The following MIR2052HG variants were observed in gnomAD, a reference collection of about 807,000 sequenced individuals.
MIR2052HG encodes MIR2052 host gene.
At chr8:74,695,152 T>A (rs1444767707) in intron 2 of MIR2052HG, among the ~76,000 whole-genome samples, 4 of 152,184 alleles carry the variant, frequency 2.6e-5, no homozygotes, top group Non-Finnish European at 5.9e-5. Flanking sequence ...TGCCCTATCT[T>A]TAGCTTCCTT....
At chr8:74,607,340 G>A (rs1808126891) in intron 1 of MIR2052HG, among the ~76,000 whole-genome samples, 1 of 151,710 alleles carries the variant, frequency 6.6e-6, no homozygotes, top group Non-Finnish European at 1.5e-5. Flanking sequence ...GGCCAGGCAT[G>A]GTGGCTCACG....
chr8:74,631,543 A>G (rs1397001934), intron 2 of MIR2052HG, among the ~76,000 whole-genome samples: 1 of 152,172 alleles, frequency 6.6e-6, no homozygotes, highest in African/African-American at 2.4e-5. Context: ...ATAATTACCT[A>G]ATCATATATT....
rs1453390683 is a variant in MIR2052HG, at chr8:74,717,938, A to G, written n.371+14256A>G. Among the ~76,000 whole-genome samples, 5 of 152,322 alleles carry G rather than the reference A, an allele frequency of 3.3e-5. No individual in the cohort carries two copies. In the East Asian group the frequency reaches 9.6e-4, roughly 29 times the overall value. On this transcript the variant is annotated intron_variant and non_coding_transcript_variant, in intron 4 of 6. Coordinates refer to ENST00000523442, the Ensembl canonical transcript of MIR2052HG. ...TCATGATTATTTTTACAGTTTGATAATATATAAAAGTGTCTTATAAATATA... is the reference window on the plus strand; with the variant it reads ...TCATGATTATTTTTACAGTTTGATAGTATATAAAAGTGTCTTATAAATATA...
intron 4 of MIR2052HG, among the ~76,000 whole-genome samples, chr8:74,713,537 C>CTTTT (rs1256502352): frequency 2.5e-4 from 38 of 151,822 alleles, no homozygotes; most frequent in African/African-American, 8.9e-4. Flanking sequence ...TTTGTGATTC[C>CTTTT]TTAATTTTTT....
At chr8:74,703,976 T>A (rs1351484341) in intron 4 of MIR2052HG, among the ~76,000 whole-genome samples, 1 of 151,998 alleles carries the variant, frequency 6.6e-6, no homozygotes, top group African/African-American at 2.4e-5. Context: ...GATTGCCTAC[T>A]TTTGGAGAGG....
intron 2 of MIR2052HG, among the ~76,000 whole-genome samples, chr8:74,634,885 TC>T (rs1586899121): frequency 6.6e-6 from 1 of 152,206 alleles, no homozygotes; most frequent in East Asian, 1.9e-4. Flanking sequence ...GATTAATTGA[TC>T]CACTCTTTCC....
chr8:74,723,243 A>C (rs116887139), intron 4 of MIR2052HG, among the ~76,000 whole-genome samples: 1,669 of 152,350 alleles, frequency 0.011, 12 homozygotes, highest in Middle Eastern at 0.044. Context: ...GCAGATTCTT[A>C]TATGATAGTC....
chr8:74,746,656 G>A (rs555710719), intron 4 of MIR2052HG, among the ~76,000 whole-genome samples: 19 of 151,328 alleles, frequency 1.3e-4, no homozygotes, highest in Non-Finnish European at 2.2e-4. Flanking sequence ...GCATGAGGTA[G>A]AATTTGCTAA....
At chr8:74,748,274 A>T (rs1485642467) in intron 4 of MIR2052HG, among the ~76,000 whole-genome samples, 1 of 152,224 alleles carries the variant, frequency 6.6e-6, no homozygotes, top group Non-Finnish European at 1.5e-5. Context: ...AACTACATCA[A>T]ACACAGTGAA....
intron 2 of MIR2052HG, among the ~76,000 whole-genome samples, chr8:74,645,726 C>G (rs906229530): frequency 6.6e-6 from 1 of 152,166 alleles, no homozygotes; most frequent in African/African-American, 2.4e-5. Context: ...AAGAGCAAAG[C>G]CATGGAGCTA....
intron 2 of MIR2052HG, among the ~76,000 whole-genome samples, chr8:74,630,785 G>A (rs145089112): frequency 6.6e-6 from 1 of 152,272 alleles, no homozygotes; most frequent in Non-Finnish European, 1.5e-5. Context: ...AGTGGAAAGT[G>A]TTAAGGAGCT....
At position 74,617,547 on chromosome 8, in the gene MIR2052HG, A is replaced by G. The variant is rs555690113; in HGVS notation, n.216+4607A>G. Reference sequence around the variant, plus strand: ...AAAAATGTGGTGTATATACATATATATATGTATATGTGCACATACGTGTAT... The same window carrying G: ...AAAAATGTGGTGTATATACATATATGTATGTATATGTGCACATACGTGTAT... On this transcript the variant is annotated intron_variant and non_coding_transcript_variant, in intron 2 of 6. Coordinates refer to ENST00000523442, the Ensembl canonical transcript of MIR2052HG. Among the ~76,000 whole-genome samples, 58 of 152,108 alleles carry G rather than the reference A, an allele frequency of 3.8e-4. 1 individual carries two copies. The highest frequency in any genetic ancestry group is 1.4e-3 in the African/African-American group (57 of 41,494).
intron 4 of MIR2052HG, among the ~76,000 whole-genome samples, chr8:74,720,535 C>CT (rs1809565391): frequency 6.6e-6 from 1 of 152,136 alleles, no homozygotes; most frequent in African/African-American, 2.4e-5. Flanking sequence ...TTATCTCTAG[C>CT]TTTTCAGCTT....
chr8:74,619,307 C>T (rs1808328807), intron 2 of MIR2052HG, among the ~76,000 whole-genome samples: 1 of 151,980 alleles, frequency 6.6e-6, no homozygotes. Context: ...ACCTCAATAG[C>T]CAAAGCAATC....
At chr8:74,606,694 G>A (rs1241494211) in intron 1 of MIR2052HG, among the ~76,000 whole-genome samples, 1 of 152,112 alleles carries the variant, frequency 6.6e-6, no homozygotes, top group Non-Finnish European at 1.5e-5. Flanking sequence ...TGTAGAGGGT[G>A]GAAGAAGGGA....
At chr8:74,739,230 G>A (rs1462004558) in intron 4 of MIR2052HG, among the ~76,000 whole-genome samples, 1 of 152,126 alleles carries the variant, frequency 6.6e-6, no homozygotes, top group Admixed American at 6.5e-5. Flanking sequence ...TTAATAAAAT[G>A]GTGACTTCCT....
chr8:74,635,457 AAG>A (rs1808571535), intron 2 of MIR2052HG, among the ~76,000 whole-genome samples: 2 of 152,266 alleles, frequency 1.3e-5, no homozygotes, highest in East Asian at 3.9e-4. Context: ...TATAGAAAGA[AAG>A]AGAATTACAA....
intron 4 of MIR2052HG, among the ~76,000 whole-genome samples, chr8:74,736,226 C>T (rs1809743582): frequency 6.6e-6 from 1 of 152,154 alleles, no homozygotes; most frequent in Non-Finnish European, 1.5e-5. Flanking sequence ...TGCACTCTCA[C>T]ATTTACTTAA....
chr8:74,672,223 C>G (rs887589231), intron 2 of MIR2052HG, among the ~76,000 whole-genome samples: 1 of 152,056 alleles, frequency 6.6e-6, no homozygotes, highest in African/African-American at 2.4e-5. Flanking sequence ...CAGCTGTTAC[C>G]TAACTTGAGA....
Sources: gnomAD v4.1 joint callset for allele counts (sites outside exome capture counted in the v4.1 genomes callset) on GRCh38, gnomAD v4.1.1 for gene constraint, MANE v1.5 for transcripts, NCBI Gene and HGNC (gene_info 2026-07-23, HGNC 2026-07-21) for gene names.